Variants in CADM2 observed in about 807,000 individuals in gnomAD.
CADM2 encodes immunoglobulin superfamily member 4D.
A neutral mutation model predicts 49.8 loss-of-function variants in CADM2; 12 were observed. The observed-to-expected ratio is 0.24, with a 90% CI of 0.15 to 0.39. The LOEUF (loss-of-function observed/expected upper bound fraction) is 0.39, where lower values mean the gene tolerates loss of function less well. Ranked by LOEUF, CADM2 falls within the 10% of genes least tolerant of loss-of-function variation. The pLI, the probability that CADM2 is intolerant of heterozygous loss-of-function variation, is 1.00. For synonymous variants in CADM2, 214 were observed against 175.4 expected (o/e 1.22, Z -1.74); for missense variants, 378 against 492.3 (o/e 0.77, Z 2.20).
intron 3 of CADM2, among the ~76,000 whole-genome samples, chr3:85,875,027 C>T (rs967337289): frequency 6.6e-6 from 1 of 152,072 alleles, no homozygotes; most frequent in Non-Finnish European, 1.5e-5. Flanking sequence ...GTTCTGTTTG[C>T]ATTTCTATTT....
At chr3:85,916,561 C>T (rs1327113116) in intron 6 of CADM2, among the ~76,000 whole-genome samples, 1 of 151,888 alleles carries the variant, frequency 6.6e-6, no homozygotes, top group Non-Finnish European at 1.5e-5. Flanking sequence ...TTTCTTAATC[C>T]AGTCTATCAT....
At position 84,992,150 on chromosome 3, in the gene CADM2, T is replaced by C. The variant is rs2032927025; in HGVS notation, c.61+32482T>C. ...GAAACCTAATGTAAACTATGGACTCTGGTGGAGGATGATAATGAGGAGGCT... is the reference window on the plus strand; with the variant it reads ...GAAACCTAATGTAAACTATGGACTCCGGTGGAGGATGATAATGAGGAGGCT... On this transcript the variant is annotated intron_variant, in intron 1 of 9. Coordinates refer to ENST00000383699, the MANE Select transcript of CADM2 (RefSeq NM_001167675.2). Among the ~76,000 whole-genome samples the C allele has an allele frequency of 1.3e-5, 2 of 152,064 alleles. 1 individual carries two copies. Among genetic ancestry groups the C allele is most frequent in the Admixed American group, 1.3e-4 (2 of 15,270 alleles).
chr3:85,319,750 C>A (rs920625249), intron 1 of CADM2, among the ~76,000 whole-genome samples: 5 of 152,002 alleles, frequency 3.3e-5, no homozygotes, highest in African/African-American at 4.8e-5. Context: ...AAGAGGGGAA[C>A]AACAGACACT....
At chr3:85,827,475 G>A (rs2073971972) in intron 3 of CADM2, among the ~76,000 whole-genome samples, 1 of 151,906 alleles carries the variant, frequency 6.6e-6, no homozygotes. Context: ...CAAATAACTT[G>A]ACAAGGAAAT....
chr3:84,983,561 A>C (rs1344135240), intron 1 of CADM2, among the ~76,000 whole-genome samples: 1 of 152,142 alleles, frequency 6.6e-6, no homozygotes, highest in South Asian at 2.1e-4. Flanking sequence ...AAGTTCTTAG[A>C]GGTGTCAGAA....
At chr3:85,786,370 A>G (rs1383795281) in intron 2 of CADM2, among the ~76,000 whole-genome samples, 2 of 152,074 alleles carry the variant, frequency 1.3e-5, no homozygotes, top group Non-Finnish European at 2.9e-5. Context: ...TTTCATTTTA[A>G]TATGTTCCCA....
At chr3:85,602,339 CT>C (rs979621512) in intron 1 of CADM2, among the ~76,000 whole-genome samples, 9 of 151,894 alleles carry the variant, frequency 5.9e-5, no homozygotes, top group African/African-American at 2.2e-4. Flanking sequence ...AATTAACTAG[CT>C]TTTACTCAAT....
At chr3:85,614,007 A>T (rs2063739404) in intron 1 of CADM2, among the ~76,000 whole-genome samples, 1 of 151,822 alleles carries the variant, frequency 6.6e-6, no homozygotes, top group South Asian at 2.1e-4. Flanking sequence ...TAAAAATTGT[A>T]TTTATGTAGC....
intron 1 of CADM2, among the ~76,000 whole-genome samples, chr3:85,252,228 T>C: frequency 6.6e-6 from 1 of 152,184 alleles, no homozygotes; most frequent in Non-Finnish European, 1.5e-5. Flanking sequence ...AAATTACTTA[T>C]GTTAACAAAC....
At chr3:85,603,453 C>T (rs1287623466) in intron 1 of CADM2, among the ~76,000 whole-genome samples, 1 of 151,788 alleles carries the variant, frequency 6.6e-6, no homozygotes, top group Admixed American at 6.6e-5. Context: ...TCCTCAATTT[C>T]AAGAAGAAAC....
At chr3:85,937,397 T>A (rs1721301493) in intron 7 of CADM2, among the ~76,000 whole-genome samples, 1 of 151,858 alleles carries the variant, frequency 6.6e-6, no homozygotes, top group Non-Finnish European at 1.5e-5. Flanking sequence ...ATTTTGCAAA[T>A]AGATAAAGGA....
intron 5 of CADM2, among the ~76,000 whole-genome samples, chr3:85,904,915 A>G (rs910636922): frequency 6.6e-6 from 1 of 152,100 alleles, no homozygotes; most frequent in Non-Finnish European, 1.5e-5. Context: ...TTTTGCCTCT[A>G]TAGGAGATGA....
At chr3:85,347,861 G>T (rs1486140612) in intron 1 of CADM2, among the ~76,000 whole-genome samples, 1 of 150,768 alleles carries the variant, frequency 6.6e-6, no homozygotes, top group African/African-American at 2.5e-5. Context: ...AGGCTGGAGT[G>T]CAGTGGCACG....
intron 1 of CADM2, among the ~76,000 whole-genome samples, chr3:85,016,652 G>C (rs546211563): frequency 6.6e-6 from 1 of 152,154 alleles, no homozygotes; most frequent in South Asian, 2.1e-4. Flanking sequence ...AATTAGCCGG[G>C]CATGAAGGTG....
chr3:85,667,170 CAG>C (rs2065595359), intron 1 of CADM2, among the ~76,000 whole-genome samples: 1 of 151,886 alleles, frequency 6.6e-6, no homozygotes, highest in Non-Finnish European at 1.5e-5. Context: ...GTAAAAGTCT[CAG>C]AGGAAATCAC....
intron 5 of CADM2, among the ~76,000 whole-genome samples, chr3:85,900,132 T>C (rs1234883053): frequency 2.0e-5 from 3 of 152,192 alleles, no homozygotes; most frequent in Non-Finnish European, 2.9e-5. Context: ...ATTTTCCATC[T>C]CTAAGAGATC....
chr3:85,155,683 G>T (rs148431895), intron 1 of CADM2, among the ~76,000 whole-genome samples: 1 of 151,644 alleles, frequency 6.6e-6, no homozygotes, highest in Non-Finnish European at 1.5e-5. Flanking sequence ...TGACCACATA[G>T]TTGGAAGTAA....
chr3:85,988,738 G>T (rs1327588639), intron 8 of CADM2, among the ~76,000 whole-genome samples: 1 of 152,100 alleles, frequency 6.6e-6, no homozygotes, highest in Non-Finnish European at 1.5e-5. Context: ...CTGTTCAAAT[G>T]GTTCAGTTAT....
At chr3:85,626,607 TTGTC>T (rs1263304148) in intron 1 of CADM2, among the ~76,000 whole-genome samples, 1 of 152,028 alleles carries the variant, frequency 6.6e-6, no homozygotes, top group African/African-American at 2.4e-5. Flanking sequence ...AGCAATTACT[TTGTC>T]AGTTACTGTT....
Sources: gnomAD v4.1 joint callset for allele counts (sites outside exome capture counted in the v4.1 genomes callset) on GRCh38, gnomAD v4.1.1 for gene constraint, MANE v1.5 for transcripts, NCBI Gene and HGNC (gene_info 2026-07-23, HGNC 2026-07-21) for gene names.